BLTP1: variants seen among roughly 807,000 people sequenced by gnomAD.
The protein encoded by BLTP1 is bridge-like lipid transfer protein family member 1, also known as fragile site-associated protein.
the BLTP1 span, chr4:122,325,754 A>T: frequency 1.3e-6 from 1 of 772,640 alleles, no homozygotes; most frequent in Non-Finnish European, 1.8e-6. Context: ...ATTAAACATT[A>T]TATTAAAATG....
At chr4:122,349,043 C>A in the BLTP1 span, 1 of 825,524 alleles carries the variant, frequency 1.2e-6, no homozygotes, top group Non-Finnish European at 1.8e-6. This position sits in a 1 kb window ranked among gnomAD's most constrained non-coding sequence, Gnocchi z 4.5. Context: ...TATGTTGTTT[C>A]ATTGTCAAAC....
chr4:122,330,230 T>C, the BLTP1 span, among the ~76,000 whole-genome samples: 1 of 151,878 alleles, frequency 6.6e-6, no homozygotes, highest in Non-Finnish European at 1.5e-5. Flanking sequence ...TTCAATTCTT[T>C]TGGATAAATA....
At chr4:122,275,867 T>C in the BLTP1 span, 12 of 1,264,886 alleles carry the variant, frequency 9.5e-6, no homozygotes, top group Non-Finnish European at 1.1e-5. Flanking sequence ...AGTGGGAAAT[T>C]AGAAAAGCTT....
the BLTP1 span, among the ~76,000 whole-genome samples, chr4:122,212,617 C>CAAA: frequency 8.3e-5 from 12 of 144,814 alleles, no homozygotes; most frequent in African/African-American, 2.5e-4. Flanking sequence ...TTGTTTTTAT[C>CAAA]AAAAAAAAAA....
the BLTP1 span, chr4:122,306,088 T>C: frequency 1.3e-6 from 2 of 1,537,814 alleles, no homozygotes; most frequent in African/African-American, 1.4e-5. Flanking sequence ...GATCTAGGAA[T>C]GCTTTGTTAA....
At chr4:122,346,606 T>C in the BLTP1 span, 2 of 1,608,760 alleles carry the variant, frequency 1.2e-6, no homozygotes, top group Non-Finnish European at 1.7e-6. Context: ...TACTAACAAA[T>C]GTTATTTATG....
At chr4:122,272,388 T>C in the BLTP1 span, 1 of 1,610,950 alleles carries the variant, frequency 6.2e-7, no homozygotes, top group Non-Finnish European at 8.5e-7. Context: ...AGTTTTACTC[T>C]TAAGGAAAAA....
chr4:122,359,078 A>T, the BLTP1 span, among the ~76,000 whole-genome samples: 15 of 129,662 alleles, frequency 1.2e-4, no homozygotes, highest in Admixed American at 1.1e-3. Context: ...CAAAGCTGTT[A>T]AAAAAAAAAA....
chr4:122,190,431 T>G, the BLTP1 span: 2 of 976,778 alleles, frequency 2.0e-6, no homozygotes, highest in East Asian at 2.3e-4. Flanking sequence ...ATAGCTACAA[T>G]TCTATTTCTT....
chr4:122,272,550 T>TA, the BLTP1 span: 1 of 625,220 alleles, frequency 1.6e-6, no homozygotes, highest in Non-Finnish European at 2.8e-6. Context: ...AATTCTGAGG[T>TA]ACCAAGAACT....
At chr4:122,261,236 G>A in the BLTP1 span, 33 of 939,738 alleles carry the variant, frequency 3.5e-5, no homozygotes, top group Non-Finnish European at 2.3e-5. Context: ...ATAGTTAGAC[G>A]CTTGGGACAC....
chr4:122,353,269 G>A, the BLTP1 span: 16 of 1,480,048 alleles, frequency 1.1e-5, no homozygotes, highest in Non-Finnish European at 1.3e-5. This position sits in a 1 kb window ranked among gnomAD's most constrained non-coding sequence, Gnocchi z 4.3. Context: ...GACATGTTAA[G>A]GAGTTCACTA....
chr4:122,247,791 GAC>G, the BLTP1 span: 1 of 994,158 alleles, frequency 1.0e-6, no homozygotes, highest in Non-Finnish European at 1.2e-6. Context: ...GCAATAAGGT[GAC>G]ACACATTCCT....
chr4:122,326,487 A>G, the BLTP1 span, among the ~76,000 whole-genome samples: 4 of 151,758 alleles, frequency 2.6e-5, no homozygotes, highest in Non-Finnish European at 5.9e-5. Flanking sequence ...GAGTCTCAAC[A>G]TGTATCTCAT....
At chr4:122,186,963 C>T in the BLTP1 span, 1 of 960,928 alleles carries the variant, frequency 1.0e-6, no homozygotes, top group Non-Finnish European at 1.2e-6. Flanking sequence ...ATTAATTTGG[C>T]ACAAGGCATT....
the BLTP1 span, among the ~76,000 whole-genome samples, chr4:122,242,472 G>T: frequency 6.6e-6 from 1 of 151,984 alleles, no homozygotes; most frequent in Non-Finnish European, 1.5e-5. Flanking sequence ...TTGGGTAGTT[G>T]GGGGGAAAAA....
the BLTP1 span, chr4:122,328,740 A>C: frequency 1.0e-6 from 1 of 983,784 alleles, no homozygotes; most frequent in South Asian, 4.7e-5. Context: ...AGTAAAGGGA[A>C]ATGGTTAGCA....
chr4:122,173,499 A>G, the BLTP1 span, among the ~76,000 whole-genome samples: 1 of 152,160 alleles, frequency 6.6e-6, no homozygotes, highest in South Asian at 2.1e-4. Flanking sequence ...CTCACATCTC[A>G]AATACTGTAG....
chr4:122,356,507 T>C, the BLTP1 span: 13,665 of 1,060,230 alleles, frequency 0.013, 126 homozygotes, highest in Non-Finnish European at 0.015. Context: ...CATACAGATA[T>C]TACTCATTTC....
Sources: gnomAD v4.1 joint callset for allele counts (sites outside exome capture counted in the v4.1 genomes callset) on GRCh38, gnomAD v4.1.1 for gene constraint, Gnocchi (gnomAD v3.1) non-coding constraint, MANE v1.5 for transcripts, NCBI Gene and HGNC (gene_info 2026-07-23, HGNC 2026-07-21) for gene names.